PCDH9: variants seen among roughly 807,000 people sequenced by gnomAD.
The protein encoded by PCDH9 is protocadherin 9.
PCDH9 carries 24 observed loss-of-function variants against 70.6 expected under a neutral mutation model. The observed-to-expected ratio is 0.34, with a 90% CI of 0.25 to 0.48. The LOEUF (loss-of-function observed/expected upper bound fraction) is 0.48. Ranked by LOEUF, PCDH9 falls within the 20% of genes least tolerant of loss-of-function variation. PCDH9 has a pLI of 0.99. For missense variants in PCDH9, 1,281 were observed against 1,503.6 expected, an observed-to-expected ratio of 0.85 and a Z score of 2.45; for synonymous variants, 562 against 558.5, an observed-to-expected ratio of 1.01 and a Z score of -0.09.
intron 4 of PCDH9, among the ~76,000 whole-genome samples, chr13:66,596,908 G>A (rs1430606813): frequency 1.5e-5 from 2 of 137,760 alleles, no homozygotes; most frequent in Non-Finnish European, 3.1e-5. Context: ...AAAGTTTATT[G>A]TTGTACCTTT....
intron 2 of PCDH9, among the ~76,000 whole-genome samples, chr13:67,086,488 C>T (rs1209157109): frequency 1.3e-5 from 2 of 152,122 alleles, no homozygotes; most frequent in African/African-American, 4.8e-5. Flanking sequence ...GTGATAAACT[C>T]ACATGATGTT....
chr13:66,594,769 G>A (rs1049129484), intron 4 of PCDH9, among the ~76,000 whole-genome samples: 3 of 151,444 alleles, frequency 2.0e-5, no homozygotes, highest in East Asian at 1.9e-4. Context: ...TTCTGTTCCC[G>A]CATTAGTTTG....
chr13:66,456,507 C>G (rs1202536236), intron 4 of PCDH9, among the ~76,000 whole-genome samples: 1 of 152,092 alleles, frequency 6.6e-6, no homozygotes, highest in Non-Finnish European at 1.5e-5. Context: ...GCAATCTTCC[C>G]ACCTCAACCC....
intron 3 of PCDH9, among the ~76,000 whole-genome samples, chr13:66,637,690 G>T (rs911210998): frequency 3.9e-5 from 6 of 152,032 alleles, no homozygotes; most frequent in Non-Finnish European, 7.4e-5. Context: ...GAGGTGGGTG[G>T]ATCACGAGGT....
rs1158690945 is a variant in PCDH9 at position 67,084,966 on chromosome 13, C to CAA, written c.3036+140437_3036+140438dup. On this transcript the variant is annotated intron_variant, in intron 2 of 4. Coordinates refer to ENST00000377865, the MANE Select transcript of PCDH9 (RefSeq NM_203487.3). The stretch of plus-strand genomic sequence containing the variant: ...TGGGTGACAGAGCAAGATGCTGTCT[C>CAA]AAAAAAAAAAAAAAAAAAAAAAAAA... Among the ~76,000 whole-genome samples the CAA allele has an allele frequency of 1.4e-4, 6 of 41,468 alleles. 1 individual carries two copies. Among genetic ancestry groups the CAA allele is most frequent in the African/African-American group, 4.1e-4 (4 of 9,822 alleles). 27.2% of individuals were successfully genotyped at this position (41,468 alleles called of 152,430 possible).
intron 2 of PCDH9, among the ~76,000 whole-genome samples, chr13:67,046,304 G>A (rs1227623055): frequency 6.6e-6 from 1 of 152,090 alleles, no homozygotes; most frequent in African/African-American, 2.4e-5. Flanking sequence ...GACTCTTTTA[G>A]CAAATAACTC....
At chr13:66,410,723 TG>T (rs1957356351) in intron 4 of PCDH9, among the ~76,000 whole-genome samples, 1 of 152,238 alleles carries the variant, frequency 6.6e-6, no homozygotes. Context: ...GAAGAGATTA[TG>T]ACTTAGAATC....
At chr13:66,383,104 T>C (rs1956875028) in intron 4 of PCDH9, among the ~76,000 whole-genome samples, 1 of 152,122 alleles carries the variant, frequency 6.6e-6, no homozygotes, top group East Asian at 1.9e-4. Context: ...CAAAGCACAA[T>C]ATAGTTCACT....
chr13:66,533,953 TAAC>T (rs1960579400), intron 4 of PCDH9, among the ~76,000 whole-genome samples: 1 of 152,120 alleles, frequency 6.6e-6, no homozygotes, highest in Non-Finnish European at 1.5e-5. Context: ...ATATAGAAAA[TAAC>T]ACTATGAAAG....
At chr13:66,725,302 A>G (rs1388686850) in intron 3 of PCDH9, among the ~76,000 whole-genome samples, 1 of 152,144 alleles carries the variant, frequency 6.6e-6, no homozygotes, top group Non-Finnish European at 1.5e-5. Context: ...ATCACCTCTC[A>G]TCTGGATTAG....
intron 2 of PCDH9, among the ~76,000 whole-genome samples, chr13:67,060,364 G>C (rs2085515017): frequency 6.6e-6 from 1 of 152,038 alleles, no homozygotes; most frequent in African/African-American, 2.4e-5. Flanking sequence ...TCACATCTTG[G>C]AAGTGGAGGG....
chr13:66,693,976 G>A (rs1566510069), intron 3 of PCDH9, among the ~76,000 whole-genome samples: 1 of 152,132 alleles, frequency 6.6e-6, no homozygotes. Context: ...AAGGAATGAA[G>A]GTGAAATGTG....
At chr13:66,387,051 CT>C in intron 4 of PCDH9, among the ~76,000 whole-genome samples, 1 of 152,296 alleles carries the variant, frequency 6.6e-6, no homozygotes, top group East Asian at 1.9e-4. Flanking sequence ...ACCATTTACT[CT>C]TCTACACTCT....
intron 2 of PCDH9, among the ~76,000 whole-genome samples, chr13:67,167,195 GA>G (rs2088142305): frequency 6.6e-6 from 1 of 152,132 alleles, no homozygotes; most frequent in Non-Finnish European, 1.5e-5. Flanking sequence ...AGCACATGAT[GA>G]AGTGGTTAAG....
chr13:66,925,974 C>A (rs1171503236), intron 2 of PCDH9, among the ~76,000 whole-genome samples: 1 of 151,834 alleles, frequency 6.6e-6, no homozygotes, highest in East Asian at 1.9e-4. Context: ...CATATTTTCC[C>A]AGAGAATCTT....
chr13:67,016,708 T>C (rs1177868301), intron 2 of PCDH9, among the ~76,000 whole-genome samples: 2 of 152,210 alleles, frequency 1.3e-5, no homozygotes, highest in Non-Finnish European at 2.9e-5. Context: ...CTACTACTTA[T>C]CAAACTCAGA....
At chr13:66,577,395 A>G (rs1412406258) in intron 4 of PCDH9, among the ~76,000 whole-genome samples, 1 of 151,950 alleles carries the variant, frequency 6.6e-6, no homozygotes, top group African/African-American at 2.4e-5. Flanking sequence ...TAATAAGAGC[A>G]TTTTTAAAAT....
At chr13:66,343,042 C>G (rs1956158280) in intron 4 of PCDH9, among the ~76,000 whole-genome samples, 1 of 151,878 alleles carries the variant, frequency 6.6e-6, no homozygotes, top group Non-Finnish European at 1.5e-5. Flanking sequence ...AATAAACAAG[C>G]AAAAAACAAC....
chr13:66,928,478 T>C (rs1302783263), intron 2 of PCDH9, among the ~76,000 whole-genome samples: 1 of 152,142 alleles, frequency 6.6e-6, no homozygotes, highest in Non-Finnish European at 1.5e-5. Context: ...TAAAACCATA[T>C]TACACATTGC....
Sources: gnomAD v4.1 joint callset for allele counts (sites outside exome capture counted in the v4.1 genomes callset) on GRCh38, gnomAD v4.1.1 for gene constraint, MANE v1.5 for transcripts, NCBI Gene and HGNC (gene_info 2026-07-23, HGNC 2026-07-21) for gene names.